Variants in TNFAIP6 observed in about 807,000 individuals in gnomAD.
TNFAIP6 encodes tumor necrosis factor-inducible gene 6 protein.
In TNFAIP6, 36 loss-of-function variants were observed where a neutral mutation model predicts 33.7. The ratio of observed to expected loss-of-function variants is 1.07; its 90% CI spans 0.82 to 1.41. The LOEUF (loss-of-function observed/expected upper bound fraction) is 1.41, where lower values mean the gene tolerates loss of function less well. Ranked by LOEUF, TNFAIP6 falls within the 40% of genes most tolerant of loss-of-function variation. TNFAIP6 has a pLI of 0.00. For synonymous variants in TNFAIP6, 113 were observed against 112.8 expected, an observed-to-expected ratio of 1.00 and a Z score of -0.01; for missense variants, 273 against 331.9, an observed-to-expected ratio of 0.82 and a Z score of 1.38.
chr2:151,357,968 G>A (rs1000883264), intron 1 of TNFAIP6, among the ~76,000 whole-genome samples: 1 of 151,574 alleles, frequency 6.6e-6, no homozygotes, highest in Non-Finnish European at 1.5e-5. Context: ...ATTTTATAAA[G>A]TGAATTGTTC....
chr2:151,377,805 T>A (rs927988098), intron 5 of TNFAIP6, among the ~76,000 whole-genome samples: 7 of 152,182 alleles, frequency 4.6e-5, no homozygotes, highest in Admixed American at 6.6e-5. Flanking sequence ...AATTTTTTTT[T>A]TATATTTAGG....
At position 151,374,905 on chromosome 2, in the gene TNFAIP6, C is replaced by T. The variant is rs544744424; in HGVS notation, c.664+1316C>T. On this transcript the variant is annotated intron_variant, in intron 5 of 5. Transcript: ENST00000243347. ...CTTTGGGAGGCCAAGGCAGGCCGATCACCTGAGGTCAGGAGTTCGAGACCA... is the reference window on the plus strand; with the variant it reads ...CTTTGGGAGGCCAAGGCAGGCCGATTACCTGAGGTCAGGAGTTCGAGACCA... Among the ~76,000 whole-genome samples the T allele has an allele frequency of 2.7e-3, 416 of 152,230 alleles. 1 individual carries two copies. The highest frequency in any genetic ancestry group is 9.5e-3 in the African/African-American group (395 of 41,550).
chr2:151,366,204 C>T lies in TNFAIP6; in HGVS notation c.381C>T (p.Cys127=). 3.1e-6 allele frequency: 5 copies of T among 1,614,018 alleles called. No homozygotes were observed. Among genetic ancestry groups the T allele is most frequent in the Non-Finnish European group, 4.2e-6 (5 of 1,179,938 alleles). Residue 127 remains cysteine, a synonymous_variant, in exon 3 of 6, where the codon TGC becomes TGT. Transcript: ENST00000243347. ...LNRSERWDAY[C]YNPHAKECGG... is the part of the protein sequence containing the mutation. ...GGAGTGAAAGATGGGATGCCTATTG[C>T]TACAACCCACACGGTGTGTTAAAAA...
At chr2:151,370,566 ATAGT>A (rs3040708) in intron 4 of TNFAIP6, among the ~76,000 whole-genome samples, 3,106 of 151,846 alleles carry the variant, frequency 0.02, 71 homozygotes, top group Non-Finnish European at 0.026. Context: ...GTTGTAAGAA[ATAGT>A]TAGTCTATTT....
intron 4 of TNFAIP6, among the ~76,000 whole-genome samples, 178 bp downstream of exon 4, chr2:151,370,426 T>G (rs1407788277): frequency 6.6e-6 from 1 of 152,236 alleles, no homozygotes; most frequent in East Asian, 1.9e-4. Context: ...ACATACTTAT[T>G]AAAGCAGTGA....
rs148823236 is a variant in TNFAIP6, at chr2:151,366,742, A to G, written c.394+525A>G. ...TTCTTTCCTTAATTTCTTTTTGTGTATATATGCTAGTACTTCCAAACTAAG... is the reference window on the plus strand; with the variant it reads ...TTCTTTCCTTAATTTCTTTTTGTGTGTATATGCTAGTACTTCCAAACTAAG... On this transcript the variant is annotated intron_variant, in intron 3 of 5. Coordinates refer to ENST00000243347, the MANE Select transcript of TNFAIP6 (RefSeq NM_007115.4). 2.6e-4 allele frequency among the ~76,000 whole-genome samples: 40 copies of G among 152,318 alleles called. No individual in the cohort carries two copies. The East Asian group carries it at 4.6e-3, about 18-fold the overall frequency.
intron 1 of TNFAIP6, among the ~76,000 whole-genome samples, chr2:151,358,620 G>T (rs952015654): frequency 3.3e-5 from 5 of 152,158 alleles, no homozygotes; most frequent in African/African-American, 1.2e-4. Flanking sequence ...ATAGAATAAA[G>T]AAATAAAGAG....
intron 2 of TNFAIP6, 106 bp from the exon 3 acceptor site, chr2:151,365,950 A>G: frequency 9.6e-7 from 1 of 1,041,398 alleles, no homozygotes. Flanking sequence ...ACTGGATTTG[A>G]CCAGTTAAGA....
chr2:151,377,673 C>T (rs1684939379), intron 5 of TNFAIP6, among the ~76,000 whole-genome samples: 1 of 152,100 alleles, frequency 6.6e-6, no homozygotes, highest in African/African-American at 2.4e-5. Context: ...CCTTTGAACA[C>T]CTATGAATTG....
chr2:151,367,224 TG>T (rs1218373068), intron 3 of TNFAIP6, among the ~76,000 whole-genome samples: 2 of 152,204 alleles, frequency 1.3e-5, no homozygotes, highest in Admixed American at 1.3e-4. Context: ...GAAAGATTTT[TG>T]CCTACAGCTA....
intron 1 of TNFAIP6, among the ~76,000 whole-genome samples, chr2:151,361,069 T>G (rs934336717): frequency 9.9e-5 from 15 of 152,090 alleles, no homozygotes; most frequent in East Asian, 5.8e-4. Flanking sequence ...TTTTGTTTTG[T>G]TTTGGTTTGG....
chr2:151,381,055 A>G (rs748523033), downstream of TNFAIP6, among the ~76,000 whole-genome samples: 4 of 152,210 alleles, frequency 2.6e-5, no homozygotes, highest in Non-Finnish European at 5.9e-5. Context: ...AAAGTATGAC[A>G]CTTTGGGATA....
At chr2:151,367,492 C>CTCT (rs1553466812) in intron 3 of TNFAIP6, among the ~76,000 whole-genome samples, 2 of 152,062 alleles carry the variant, frequency 1.3e-5, no homozygotes, top group Non-Finnish European at 2.9e-5. Context: ...AATGTATTCT[C>CTCT]TGATTCTTCT....
intron 4 of TNFAIP6, among the ~76,000 whole-genome samples, chr2:151,372,686 G>C (rs966071587): frequency 6.6e-6 from 1 of 152,160 alleles, no homozygotes; most frequent in Non-Finnish European, 1.5e-5. Flanking sequence ...TTGGGAGGCC[G>C]AGGCAGTTGG....
chr2:151,357,756 G>A lies in TNFAIP6; in HGVS notation c.90G>A (p.Trp30Ter), dbSNP rs752372019. 3.8e-6 allele frequency: 6 copies of A among 1,596,804 alleles called. No homozygotes were observed. The highest frequency in any genetic ancestry group is 4.3e-6 in the Non-Finnish European group (5 of 1,164,722). ...ATGGAATTTTTCATAACTCCATATG[G>A]CTTGGTAAGAACCTTCACTCATGAG... ...FKDGIFHNSI[W>*]LERAAGVYHR... The change falls in exon 1 of 6, where the codon TGG becomes TGA. Residue 30 changes from tryptophan (W) to a stop codon, truncating the protein, a stop_gained. Transcript: ENST00000243347. LOFTEE classifies it high-confidence loss of function.
chr2:151,371,606 T>C (rs1204256834), intron 4 of TNFAIP6, among the ~76,000 whole-genome samples: 1 of 150,932 alleles, frequency 6.6e-6, no homozygotes, highest in Admixed American at 6.6e-5. Context: ...TTTTTTTTTC[T>C]TTTTTTTGAG....
chr2:151,374,036 A>G (rs1012052855), intron 5 of TNFAIP6, among the ~76,000 whole-genome samples: 4 of 152,220 alleles, frequency 2.6e-5, no homozygotes, highest in Non-Finnish European at 5.9e-5. Flanking sequence ...TGTTTCAAAT[A>G]ACAAAGTTCT....
At chr2:151,366,719 C>T (rs1039894793) in intron 3 of TNFAIP6, among the ~76,000 whole-genome samples, 4 of 152,120 alleles carry the variant, frequency 2.6e-5, no homozygotes, top group African/African-American at 9.7e-5. Context: ...CAAATAAATT[C>T]TTTCCTTAAT....
intron 5 of TNFAIP6, among the ~76,000 whole-genome samples, chr2:151,379,001 G>C (rs1439650077): frequency 6.6e-6 from 1 of 152,072 alleles, no homozygotes; most frequent in African/African-American, 2.4e-5. Context: ...TCGGGAGGCT[G>C]AGGCAGGAGA....
Sources: gnomAD v4.1 joint callset for allele counts (sites outside exome capture counted in the v4.1 genomes callset) on GRCh38, gnomAD v4.1.1 for gene constraint, MANE v1.5 for transcripts, NCBI Gene and HGNC (gene_info 2026-07-23, HGNC 2026-07-21) for gene names.